Variants in RAB20 observed in about 807,000 individuals in gnomAD.
RAB20 encodes the protein RAB20, member RAS oncogene family.
RAB20 carries 2 observed loss-of-function variants against 3.7 expected under a neutral mutation model. That is an observed-to-expected ratio of 0.54 (90% CI 0.22 to 1.69). RAB20 has a LOEUF of 1.69. Among genes scored for constraint, RAB20 ranks in the 40% most tolerant of loss-of-function variants. The pLI is 0.19. For synonymous variants in RAB20, 126 were observed against 130.8 expected (o/e 0.96, Z 0.25); for missense variants, 276 against 311.9 (o/e 0.88, Z 0.87).
chr13:110,530,646 CCCGCCCCA>C (rs1884520859), intron 1 of RAB20, among the ~76,000 whole-genome samples: 1 of 99,252 alleles, frequency 1.0e-5, no homozygotes, highest in East Asian at 3.1e-4. Flanking sequence ...GTAGGTCCCA[CCCGCCCCA>C]CCTCTACACA....
chr13:110,552,683 A>C (rs1884975390), intron 1 of RAB20, among the ~76,000 whole-genome samples: 1 of 145,456 alleles, frequency 6.9e-6, no homozygotes, highest in African/African-American at 2.6e-5. Flanking sequence ...ACAGAGTGAG[A>C]CTCCATCTCA....
intron 1 of RAB20, among the ~76,000 whole-genome samples, chr13:110,544,850 GAATTGT>G (rs1478283357): frequency 6.6e-6 from 1 of 152,214 alleles, no homozygotes; most frequent in Admixed American, 6.5e-5. Context: ...ATCTCAACTT[GAATTGT>G]ATCTCCCAGA....
At chr13:110,543,774 ATTT>A (rs60203869) in intron 1 of RAB20, among the ~76,000 whole-genome samples, 3 of 74,368 alleles carry the variant, frequency 4.0e-5, no homozygotes, top group Admixed American at 1.3e-4. Context: ...AATGTGGGTT[ATTT>A]TTTTTTTTTT....
chr13:110,539,058 A>G (rs1014452340), intron 1 of RAB20, among the ~76,000 whole-genome samples: 2 of 152,206 alleles, frequency 1.3e-5, no homozygotes, highest in African/African-American at 4.8e-5. Context: ...AAATTAATCA[A>G]TCACAGGAAG....
At chr13:110,556,412 C>A (rs911295267) in intron 1 of RAB20, among the ~76,000 whole-genome samples, 1 of 152,204 alleles carries the variant, frequency 6.6e-6, no homozygotes, top group South Asian at 2.1e-4. Flanking sequence ...AAACAGGTTC[C>A]TCCCTTCAGC....
intron 1 of RAB20, among the ~76,000 whole-genome samples, chr13:110,540,742 CAAA>C (rs57711956): frequency 7.0e-6 from 1 of 142,266 alleles, no homozygotes; most frequent in Non-Finnish European, 1.5e-5. Flanking sequence ...AACTCCGTCT[CAAA>C]AAAAAAAAAA....
intron 1 of RAB20, among the ~76,000 whole-genome samples, chr13:110,535,097 G>T (rs1316525768): frequency 1.3e-5 from 2 of 152,212 alleles, no homozygotes; most frequent in African/African-American, 4.8e-5. Context: ...CCCTTCTAAA[G>T]TGCTGGGATT....
chr13:110,533,778 A>G (rs1202596117), intron 1 of RAB20, among the ~76,000 whole-genome samples: 1 of 152,228 alleles, frequency 6.6e-6, no homozygotes. Flanking sequence ...ACTGTATTCA[A>G]TTGTTTGTTG....
chr13:110,549,118 G>A (rs1292477345), intron 1 of RAB20, among the ~76,000 whole-genome samples: 4 of 152,238 alleles, frequency 2.6e-5, no homozygotes, highest in East Asian at 3.8e-4. Flanking sequence ...TGCGGAGAGC[G>A]GTTAGGCCAG....
Position 110,561,645 on chromosome 13 carries a change from G to T in RAB20, c.-126C>A. On this transcript the variant is annotated 5_prime_UTR_variant, in exon 1 of 2. Coordinates refer to ENST00000267328, the MANE Select transcript of RAB20 (RefSeq NM_017817.3). ...GACCCGGATTCTCGTGAACGCTCCGGGACCTTCGCCTCCGGACGCCCGGGA... is the reference window on the plus strand; with the variant it reads ...GACCCGGATTCTCGTGAACGCTCCGTGACCTTCGCCTCCGGACGCCCGGGA... 7.0e-7 allele frequency: 1 copy of T among 1,418,884 alleles called. No homozygotes were observed. Among genetic ancestry groups the T allele is most frequent in the East Asian group, 2.8e-5 (1 of 35,126 alleles). The allele number at this position is 1,418,884 out of a possible 1,614,324, so 87.9% of individuals were successfully genotyped here. A position where few individuals can be genotyped will look rare whatever the true frequency, so the allele number is the denominator to read the frequency against.
chr13:110,538,067 A>T (rs2391841), intron 1 of RAB20, among the ~76,000 whole-genome samples: 89 of 151,408 alleles, frequency 5.9e-4, no homozygotes, highest in African/African-American at 2.1e-3. Context: ...TGGCAAAACC[A>T]CATCTCTACA....
At chr13:110,551,379 C>A (rs331593) in intron 1 of RAB20, among the ~76,000 whole-genome samples, 18,959 of 152,210 alleles carry the variant, frequency 0.12, 3,262 homozygotes, top group African/African-American at 0.39. Context: ...CTGTGAGAAC[C>A]GAGCAAAGAC....
In RAB20 at chr13:110,535,460, G is replaced by A. The variant is rs116317975; in HGVS notation, c.173-11263C>T. Among the ~76,000 whole-genome samples, 586 of 152,362 alleles carry A rather than the reference G, an allele frequency of 3.8e-3. 3 individuals carry two copies. Among genetic ancestry groups the A allele is most frequent in the African/African-American group, 0.013 (552 of 41,598 alleles). ...TGAGGCTAATTCATACAACCACTTC[G>A]TGGGTCACGTCTTCATGGATCCTTA... On this transcript the variant is annotated intron_variant, in intron 1 of 1. Transcript: ENST00000267328.
intron 1 of RAB20, among the ~76,000 whole-genome samples, chr13:110,528,310 G>A (rs1458979177): frequency 6.6e-6 from 1 of 151,316 alleles, no homozygotes; most frequent in Non-Finnish European, 1.5e-5. Flanking sequence ...CAGCTACTTG[G>A]GAGGCTGAGG....
At chr13:110,526,085 A>G (rs2139572902) in intron 1 of RAB20, among the ~76,000 whole-genome samples, 1 of 152,334 alleles carries the variant, frequency 6.6e-6, no homozygotes, top group Admixed American at 6.5e-5. Flanking sequence ...ACAGGCCTGG[A>G]AGCTCCCATA....
chr13:110,523,261 T>C lies in RAB20; in HGVS notation c.*404A>G, dbSNP rs1884361563. 2.4e-6 allele frequency: 1 copy of C among 413,694 alleles called. No homozygotes were observed. The highest frequency in any genetic ancestry group is 4.0e-5 in the Admixed American group (1 of 24,830). The allele number at this position is 413,694 out of a possible 1,614,324, so 25.6% of individuals were successfully genotyped here. A position where few individuals can be genotyped will look rare whatever the true frequency, so the allele number is the denominator to read the frequency against. On this transcript the variant is annotated 3_prime_UTR_variant, in exon 2 of 2. Coordinates refer to ENST00000267328, the MANE Select transcript of RAB20 (RefSeq NM_017817.3). ...GAGAAACGCTTGAGAACAAGAAATG[T>C]CAGAGTTGTAGGACGTGGTAACAAC...
chr13:110,549,093 G>A (rs1411793865), intron 1 of RAB20, among the ~76,000 whole-genome samples: 1 of 152,230 alleles, frequency 6.6e-6, no homozygotes, highest in African/African-American at 2.4e-5. Context: ...CTATTTCAGA[G>A]GCTTAAGACC....
At chr13:110,551,371 G>A (rs1162094288) in intron 1 of RAB20, among the ~76,000 whole-genome samples, 1 of 152,210 alleles carries the variant, frequency 6.6e-6, no homozygotes, top group East Asian at 1.9e-4. Context: ...GTAAGCACCT[G>A]TGAGAACCGA....
chr13:110,524,959 G>A (rs1884402039), intron 1 of RAB20, among the ~76,000 whole-genome samples: 1 of 152,222 alleles, frequency 6.6e-6, no homozygotes, highest in Non-Finnish European at 1.5e-5. Context: ...CAGGCAAGCC[G>A]GGAACCTGCT....
Sources: allele counts gnomAD v4.1 joint callset (sites outside exome capture counted in the v4.1 genomes callset), GRCh38; gene constraint gnomAD v4.1.1; transcripts MANE v1.5; gene names NCBI Gene and HGNC (gene_info 2026-07-23, HGNC 2026-07-21).